The following MPHOSPH9 variants were observed in gnomAD, a reference collection of about 807,000 sequenced individuals.
The protein encoded by MPHOSPH9 is M-phase phosphoprotein 9.
In MPHOSPH9, 88 loss-of-function variants were observed where a neutral mutation model predicts 145.5. That is an observed-to-expected ratio of 0.60 (90% CI 0.51 to 0.72). The LOEUF (loss-of-function observed/expected upper bound fraction) is 0.72. Ranked by LOEUF, MPHOSPH9 falls within the 30% of genes least tolerant of loss-of-function variation. MPHOSPH9 has a pLI of 0.00. For synonymous variants in MPHOSPH9, 435 were observed against 486.2 expected (o/e 0.89, Z 1.39); for missense variants, 1,238 against 1,386.6 (o/e 0.89, Z 1.70).
chr12:123,191,787 C>T (rs1045995084), intron 13 of MPHOSPH9, among the ~76,000 whole-genome samples: 40 of 152,178 alleles, frequency 2.6e-4, no homozygotes, highest in African/African-American at 8.7e-4. Flanking sequence ...ACCAGTCTGA[C>T]ATGTCTCCCA....
chr12:123,178,438 A>G (rs2044979197), intron 15 of MPHOSPH9, among the ~76,000 whole-genome samples: 1 of 152,250 alleles, frequency 6.6e-6, no homozygotes, highest in Non-Finnish European at 1.5e-5. Flanking sequence ...CTGCAGTAAA[A>G]TGTCTAAATA....
intron 13 of MPHOSPH9, 81 bp from the exon 14 acceptor site, chr12:123,181,291 G>T (rs2045129782): frequency 8.5e-7 from 1 of 1,173,752 alleles, no homozygotes; most frequent in Non-Finnish European, 1.2e-6. Flanking sequence ...CAAAATAACT[G>T]CCTATAGCCT....
chr12:123,226,393 C>A, intron 3 of MPHOSPH9: 2 of 913,192 alleles, frequency 2.2e-6, no homozygotes, highest in Admixed American at 3.8e-5. Context: ...GTACAATTAA[C>A]GTTTAAAACA....
intron 8 of MPHOSPH9, 51 bp downstream of exon 8, chr12:123,210,005 G>C: frequency 3.0e-6 from 4 of 1,313,560 alleles, no homozygotes; most frequent in Non-Finnish European, 3.2e-6. Flanking sequence ...CAAAGCGCTG[G>C]GATTACAGGC....
Position 123,172,870 on chromosome 12 carries a change from A to G in MPHOSPH9, c.2456+3818T>C, listed in dbSNP as rs1395705503. Among the ~76,000 whole-genome samples the G allele has an allele frequency of 9.2e-5, 3 of 32,736 alleles. No homozygotes were observed. The East Asian group carries it at 8.7e-3, about 95-fold the overall frequency. The allele number at this position is 32,736 out of a possible 152,430, so 21.5% of individuals were successfully genotyped here. On this transcript the variant is annotated intron_variant, in intron 16 of 23. Transcript: ENST00000606320. ...CTGTTAGACTTTCAGGTTTTCATTC[A>G]CTTTTTTTTTTTTTTTTTTTTTTTT... is the stretch of plus-strand genomic sequence containing the variant.
chr12:123,213,085 G>A (rs536084402), intron 7 of MPHOSPH9, among the ~76,000 whole-genome samples: 47 of 151,800 alleles, frequency 3.1e-4, no homozygotes, highest in Admixed American at 2.4e-3. Flanking sequence ...AGTCTCGATC[G>A]CCTGACCTCG....
At chr12:123,187,483 C>T (rs1427682350) in intron 13 of MPHOSPH9, among the ~76,000 whole-genome samples, 1 of 152,070 alleles carries the variant, frequency 6.6e-6, no homozygotes, top group African/African-American at 2.4e-5. Flanking sequence ...CAATTCCAAT[C>T]GAAAGCAGAG....
downstream of MPHOSPH9, chr12:123,152,603 G>A (rs79524747): frequency 1.2e-4 from 53 of 456,312 alleles, no homozygotes; most frequent in Admixed American, 3.1e-4. Context: ...TTTATGGCTT[G>A]ATTCCTCACA....
At chr12:123,211,940 G>A (rs530118480) in intron 7 of MPHOSPH9, among the ~76,000 whole-genome samples, 23 of 151,696 alleles carry the variant, frequency 1.5e-4, no homozygotes, top group African/African-American at 4.4e-4. Flanking sequence ...GGTGATCTGC[G>A]CACCTTGGCT....
chr12:123,235,492 G>A (rs370486290), upstream of MPHOSPH9, among the ~76,000 whole-genome samples: 6 of 151,708 alleles, frequency 4.0e-5, no homozygotes, highest in Admixed American at 2.0e-4. Context: ...AGCCTCCCTA[G>A]TAGCTGAGAC....
chr12:123,202,270 G>A lies in MPHOSPH9; in HGVS notation c.1831C>T (p.Arg611Ter), dbSNP rs781112917. Residue 611 changes from arginine to a stop codon, truncating the protein, a stop_gained, in exon 11 of 24, where the codon CGA (arginine) becomes TGA (stop). Coordinates refer to ENST00000606320, the MANE Select transcript of MPHOSPH9 (RefSeq NM_022782.4). LOFTEE classifies it high-confidence loss of function. ...EKHARHIADLRAYYESEINSL... is the reference protein window; with the variant it reads ...EKHARHIADL ...TTTATTTCTGATTCATAATAAGCTCGAAGATCTGCTATGTGTCGAGCATGC... is the reference window on the plus strand; with the variant it reads ...TTTATTTCTGATTCATAATAAGCTCAAAGATCTGCTATGTGTCGAGCATGC... The A allele has an allele frequency of 2.5e-6, 4 of 1,612,950 alleles. No homozygotes were observed. Among genetic ancestry groups the A allele is most frequent in the South Asian group, 1.1e-5 (1 of 90,770 alleles).
In MPHOSPH9 at chr12:123,156,694, G is replaced by T. The variant is rs182058124; in HGVS notation, c.*113C>A. 6.2e-6 allele frequency: 4 copies of T among 642,450 alleles called. No homozygotes were observed. The Admixed American group carries it at 1.2e-4, about 19-fold the overall frequency. 39.8% of individuals were successfully genotyped at this position (642,450 alleles called of 1,614,324 possible). ...TAGCAAGTGTAAGAATAGCATGATT[G>T]TAAAACTACTGTTTGAAGGCTTATA... On this transcript the variant is annotated 3_prime_UTR_variant, in exon 24 of 24. Coordinates refer to ENST00000606320, the MANE Select transcript of MPHOSPH9 (RefSeq NM_022782.4).
chr12:123,227,542 G>T lies in MPHOSPH9; in HGVS notation c.179C>A (p.Thr60Lys). ...CATTAAAGAAGTTAGGACTTCAACT[G>T]TACCTTGAATTACAGATGGTCTGGT... ...GKTRPSVIQG[T>K]VEVLTSLMQE... The change falls in exon 3 of 24, where the codon ACA (threonine) becomes AAA (lysine). Residue 60 changes from threonine to lysine, a missense_variant. Thr to Lys is a moderately conservative substitution (Grantham distance 78). Coordinates refer to ENST00000606320, the MANE Select transcript of MPHOSPH9 (RefSeq NM_022782.4). 6.5e-7 allele frequency: 1 copy of T among 1,532,730 alleles called. No individual in the cohort carries two copies. The allele number at this position is 1,532,730 out of a possible 1,614,324, so 94.9% of individuals were successfully genotyped here.
intron 12 of MPHOSPH9, among the ~76,000 whole-genome samples, chr12:123,196,736 T>C (rs182992877): frequency 4.1e-4 from 63 of 152,238 alleles, no homozygotes; most frequent in African/African-American, 1.5e-3. Context: ...CAATATAATT[T>C]AAATAGCCAG....
In MPHOSPH9 at chr12:123,202,916, T is replaced by C. The variant is rs1287518218; in HGVS notation, c.1489A>G (p.Ser497Gly). The C allele has an allele frequency of 6.2e-7, 1 of 1,614,206 alleles. No homozygotes were observed. Among genetic ancestry groups the C allele is most frequent in the Non-Finnish European group, 8.5e-7 (1 of 1,180,032 alleles). The change falls in exon 10 of 24, where the codon AGT (serine) becomes GGT (glycine). Residue 497 changes from serine to glycine, a missense_variant. This residue lies in a region of MPHOSPH9 where 837 missense variants were observed against 897.5 expected (regional missense o/e 0.93). Transcript: ENST00000606320. ...CCAGGTAACTGAGAAGTGACATTAC[T>C]TGCTTGTGAAAATGAGTCTATGTCA... ...PSDIDSFSQA[S>G]NVTSQLPGFP...
chr12:123,209,909 TG>T, intron 8 of MPHOSPH9, 146 bp downstream of exon 8: 1 of 430,356 alleles, frequency 2.3e-6, no homozygotes, highest in Non-Finnish European at 4.1e-6. Context: ...GCTAATTTTT[TG>T]TATTTTTAGT....
chr12:123,194,830 C>T (rs946979843), intron 12 of MPHOSPH9, among the ~76,000 whole-genome samples: 4 of 151,836 alleles, frequency 2.6e-5, no homozygotes, highest in Non-Finnish European at 5.9e-5. Context: ...CTATGTTGGC[C>T]AGGCTGGTCT....
intron 16 of MPHOSPH9, among the ~76,000 whole-genome samples, chr12:123,169,010 G>A (rs1236431008): frequency 6.6e-6 from 1 of 150,898 alleles, no homozygotes; most frequent in Admixed American, 6.6e-5. Context: ...TCAGACTCCC[G>A]AGTAGCTGGG....
intron 13 of MPHOSPH9, 149 bp from the exon 14 acceptor site, chr12:123,181,359 A>G: frequency 1.6e-6 from 1 of 630,310 alleles, no homozygotes; most frequent in Admixed American, 2.9e-5. Flanking sequence ...GATTCAATGT[A>G]AAGGGAATGG....
Sources: allele counts gnomAD v4.1 joint callset (sites outside exome capture counted in the v4.1 genomes callset), GRCh38; gene constraint gnomAD v4.1.1; regional missense constraint gnomAD v4.1.1; transcripts MANE v1.5; gene names NCBI Gene and HGNC (gene_info 2026-07-23, HGNC 2026-07-21).